The following PLA2G7 variants were observed in gnomAD, a reference collection of about 807,000 sequenced individuals.
The protein encoded by PLA2G7 is platelet-activating factor acetylhydrolase.
In PLA2G7, 63 loss-of-function variants were observed where a neutral mutation model predicts 49.6. The observed-to-expected ratio is 1.27, with a 90% CI of 1.04 to 1.57. The LOEUF is 1.57. Among genes scored for constraint, PLA2G7 ranks in the 40% most tolerant of loss-of-function variants. PLA2G7 has a pLI of 0.00. For synonymous variants in PLA2G7, 193 were observed against 169.9 expected (o/e 1.14, Z -1.06); for missense variants, 596 against 521.2 (o/e 1.14, Z -1.40).
intron 1 of PLA2G7, among the ~76,000 whole-genome samples, chr6:46,726,625 A>G (rs555692722): frequency 1.2e-4 from 18 of 151,930 alleles, no homozygotes; most frequent in Non-Finnish European, 2.1e-4. Flanking sequence ...CATAACCCCA[A>G]TCACTGGTCA....
At chr6:46,723,163 C>G (rs547999919) in intron 1 of PLA2G7, among the ~76,000 whole-genome samples, 2 of 152,110 alleles carry the variant, frequency 1.3e-5, no homozygotes, top group African/African-American at 4.8e-5. Context: ...TACTTTCAGA[C>G]AGTTAGATTA....
intron 1 of PLA2G7, among the ~76,000 whole-genome samples, chr6:46,733,791 C>T (rs1765806311): frequency 6.6e-6 from 1 of 152,196 alleles, no homozygotes; most frequent in African/African-American, 2.4e-5. Context: ...TCTCTGAATT[C>T]AATGTAAGCT....
chr6:46,708,118 C>T lies in PLA2G7; in HGVS notation c.913G>A (p.Glu305Lys), dbSNP rs201635666. 750 of 1,611,806 alleles carry T rather than the reference C, an allele frequency of 4.7e-4. 10 individuals carry two copies. In the South Asian group the frequency reaches 7.6e-3, roughly 16 times the overall value. ...GGCTGAGGAATTCTGGAATATACTT[C>T]ATCACCCAGTGGAAACATCCATGCA... ...LDAWMFPLGD[E>K]VYSRIPQPLF... Residue 305 changes from glutamate (E) to lysine (K), a missense_variant, in exon 10 of 12, where the codon GAA (glutamate) becomes AAA (lysine). Physicochemically the swap from Glu to Lys is moderately conservative, Grantham distance 56 (BLOSUM62 1). Transcript: ENST00000274793.
rs1312326759 is a variant in PLA2G7 at position 46,717,007 on chromosome 6, A to G, written c.199T>C (p.Cys67Arg). The G allele has an allele frequency of 2.5e-6, 4 of 1,613,754 alleles. No individual in the cohort carries two copies. The South Asian group carries it at 4.4e-5, about 18-fold the overall frequency. ...GTGTGATCAAACATTAAGTCTGTAC[A>G]ACCAACGGAATAAGGCCCATTTCCC... ...PRGNGPYSVG[C>R]TDLMFDHTNK... Residue 67 changes from cysteine to arginine, a missense_variant, in exon 3 of 12, where the codon TGT becomes CGT. By Grantham distance (180) the Cys-to-Arg change is radical. Coordinates refer to ENST00000274793, the MANE Select transcript of PLA2G7 (RefSeq NM_005084.4).
intron 1 of PLA2G7, 22 bp from the exon 2 acceptor site, chr6:46,722,947 G>T: frequency 1.0e-6 from 1 of 998,268 alleles, no homozygotes. Flanking sequence ...ATGATTAAAA[G>T]AAAAAAGAAG....
chr6:46,726,678 C>T (rs1303824517), intron 1 of PLA2G7, among the ~76,000 whole-genome samples: 2 of 151,754 alleles, frequency 1.3e-5, no homozygotes, highest in South Asian at 2.1e-4. Flanking sequence ...TGGAGTCTCA[C>T]TCTGTCACCT....
At position 46,704,539 on chromosome 6, in the gene PLA2G7, T is replaced by C. The variant is rs1171936270; in HGVS notation, c.*21A>G. The stretch of plus-strand genomic sequence containing the variant: ...TTTTAGACAGTTTTGAAACAAGACT[T>C]TTAAAAAACCTATTTTAATCCTAAT... On this transcript the variant is annotated 3_prime_UTR_variant, in exon 12 of 12. Transcript: ENST00000274793. 31 of 1,448,696 alleles carry C rather than the reference T, an allele frequency of 2.1e-5. No homozygotes were observed. The highest frequency in any genetic ancestry group is 2.8e-5 in the Non-Finnish European group (29 of 1,035,306). 89.7% of individuals were successfully genotyped at this position (1,448,696 alleles called of 1,614,324 possible).
intron 2 of PLA2G7, among the ~76,000 whole-genome samples, chr6:46,722,529 C>T (rs557058934): frequency 1.3e-5 from 2 of 152,222 alleles, no homozygotes; most frequent in South Asian, 2.1e-4. Flanking sequence ...GCAAGCTGAG[C>T]GTCCAGTATA....
At chr6:46,714,670 G>C (rs1765141224) in intron 4 of PLA2G7, 117 bp from the exon 5 acceptor site, 3 of 725,098 alleles carry the variant, frequency 4.1e-6, no homozygotes, top group Non-Finnish European at 7.6e-6. Context: ...CTTTTTTATG[G>C]ATGAATAGTA....
At chr6:46,716,700 G>C (rs1489577438) in intron 3 of PLA2G7, among the ~76,000 whole-genome samples, 172 bp from the exon 4 acceptor site, 2 of 152,144 alleles carry the variant, frequency 1.3e-5, no homozygotes, top group Non-Finnish European at 2.9e-5. Flanking sequence ...AAGAGAAACA[G>C]AAAAACAATA....
At chr6:46,730,948 A>C (rs1227125725) in intron 1 of PLA2G7, among the ~76,000 whole-genome samples, 1 of 152,216 alleles carries the variant, frequency 6.6e-6, no homozygotes. Context: ...TAGCCACTTC[A>C]AGCTGAAATT....
At chr6:46,728,607 G>A (rs190024438) in intron 1 of PLA2G7, among the ~76,000 whole-genome samples, 15 of 152,334 alleles carry the variant, frequency 9.8e-5, no homozygotes, top group Admixed American at 9.2e-4. Context: ...ATGTGCAAAT[G>A]TCCAAATGTT....
chr6:46,708,254 C>T (rs1764898491), intron 9 of PLA2G7, 93 bp from the exon 10 acceptor site: 2 of 931,796 alleles, frequency 2.1e-6, no homozygotes, highest in South Asian at 1.3e-5. Context: ...GGTGGACACG[C>T]ACCATACCAG....
rs1028448694 is a variant in PLA2G7, at chr6:46,721,102, G to T, written c.109+1681C>A. Among the ~76,000 whole-genome samples, 3 of 152,264 alleles carry T rather than the reference G, an allele frequency of 2.0e-5. No individual in the cohort carries two copies. The East Asian group carries it at 5.8e-4, about 29-fold the overall frequency. ...GTAGCCCAGGCTGGAGTGCAGTGGTGCAATCTCAGCTTACTGCAACCTCCT... is the reference window on the plus strand; with the variant it reads ...GTAGCCCAGGCTGGAGTGCAGTGGTTCAATCTCAGCTTACTGCAACCTCCT... On this transcript the variant is annotated intron_variant, in intron 2 of 11. Transcript: ENST00000274793.
intron 2 of PLA2G7, among the ~76,000 whole-genome samples, chr6:46,722,325 A>T (rs539820289): frequency 6.6e-6 from 1 of 152,286 alleles, no homozygotes; most frequent in African/African-American, 2.4e-5. Flanking sequence ...TTGTTATCTC[A>T]CATGACTTTC....
At chr6:46,724,457 T>C (rs536756476) in intron 1 of PLA2G7, among the ~76,000 whole-genome samples, 2 of 152,332 alleles carry the variant, frequency 1.3e-5, no homozygotes, top group East Asian at 3.9e-4. Flanking sequence ...CTGACACTAA[T>C]GAAGCACTCG....
At position 46,704,464 on chromosome 6, in the gene PLA2G7, TCTCTCTCTCTCTCTCACACACACA is replaced by T. The variant is rs1446446117; in HGVS notation, c.*72_*95del. ...AATTCTCTCTCTCTCTCTCTCTCTC[TCTCTCTCTCTCTCTCACACACACA>T]CACACACACACACACACACACATAA... On this transcript the variant is annotated 3_prime_UTR_variant, in exon 12 of 12. Coordinates refer to ENST00000274793, the MANE Select transcript of PLA2G7 (RefSeq NM_005084.4). 2.0e-5 allele frequency: 12 copies of T among 600,604 alleles called. No individual in the cohort carries two copies. Among genetic ancestry groups the T allele is most frequent in the African/African-American group, 7.9e-5 (2 of 25,244 alleles). 37.2% of individuals were successfully genotyped at this position (600,604 alleles called of 1,614,324 possible).
Position 46,709,371 on chromosome 6 carries a change from AC to A in PLA2G7, c.824del (p.Gly275ValfsTer55), listed in dbSNP as rs1454408546. On this transcript the variant is annotated frameshift_variant, in exon 9 of 12. Coordinates refer to ENST00000274793, the MANE Select transcript of PLA2G7 (RefSeq NM_005084.4). LOFTEE classifies it high-confidence loss of function. ...EKIAVIGHSFGGATVIQTLSE... is the reference protein window; with the variant it reads ...EKIAVIGHSFXGATVIQTLSE... ...TAAGAGTCTGAATAACCGTTGCTCCACCAAAAGAATGTCCAATTACTGCTAT... is the reference window on the plus strand; with the variant it reads ...TAAGAGTCTGAATAACCGTTGCTCCACAAAAGAATGTCCAATTACTGCTAT... 6.2e-7 allele frequency: 1 copy of A among 1,608,616 alleles called. No homozygotes were observed. The highest frequency in any genetic ancestry group is 1.1e-5 in the South Asian group (1 of 90,942).
intron 5 of PLA2G7, among the ~76,000 whole-genome samples, chr6:46,714,251 G>T (rs929603264): frequency 1.3e-5 from 2 of 152,092 alleles, no homozygotes; most frequent in Non-Finnish European, 2.9e-5. Flanking sequence ...CTGCTGTGAG[G>T]CTAATCCCAA....
Sources: gnomAD v4.1 joint callset for allele counts (sites outside exome capture counted in the v4.1 genomes callset) on GRCh38, gnomAD v4.1.1 for gene constraint, MANE v1.5 for transcripts, NCBI Gene and HGNC (gene_info 2026-07-23, HGNC 2026-07-21) for gene names.